The following FHIT variants were observed in gnomAD, a reference collection of about 807,000 sequenced individuals.
The protein encoded by FHIT is bis(5'-adenosyl)-triphosphatase.
A neutral mutation model predicts 17.9 loss-of-function variants in FHIT; 19 were observed. That is an observed-to-expected ratio of 1.06 (90% CI 0.74 to 1.56). The LOEUF is 1.56. Ranked by LOEUF, FHIT falls within the 40% of genes most tolerant of loss-of-function variation. FHIT has a pLI of 0.00. For missense variants in FHIT, 248 were observed against 189.2 expected (o/e 1.31, Z -1.82); for synonymous variants, 81 against 69.7 (o/e 1.16, Z -0.81).
At chr3:60,603,078 A>G (rs2038497250) in intron 4 of FHIT, among the ~76,000 whole-genome samples, 1 of 152,230 alleles carries the variant, frequency 6.6e-6, no homozygotes, top group African/African-American at 2.4e-5. Context: ...TGAGCAACAT[A>G]GTTTGAAGGT....
At chr3:60,197,599 T>C (rs1007644320) in intron 5 of FHIT, among the ~76,000 whole-genome samples, 1 of 152,196 alleles carries the variant, frequency 6.6e-6, no homozygotes, top group Non-Finnish European at 1.5e-5. Context: ...TTGGTAACAC[T>C]ATACAACATC....
intron 5 of FHIT, among the ~76,000 whole-genome samples, chr3:60,519,672 T>C (rs1050002835): frequency 6.6e-6 from 1 of 152,218 alleles, no homozygotes; most frequent in Non-Finnish European, 1.5e-5. Context: ...CTTGACATCA[T>C]CTATTTACAA....
chr3:61,132,860 A>C (rs1270811767), intron 2 of FHIT, among the ~76,000 whole-genome samples: 1 of 152,242 alleles, frequency 6.6e-6, no homozygotes, highest in East Asian at 1.9e-4. Flanking sequence ...AAAAGAAAAA[A>C]AAATGTGGTA....
chr3:60,071,169 C>T (rs1031570112), intron 5 of FHIT, among the ~76,000 whole-genome samples: 1 of 152,114 alleles, frequency 6.6e-6, no homozygotes, highest in African/African-American at 2.4e-5. Flanking sequence ...CTCCTGAGCA[C>T]CTGAATTGTG....
At chr3:60,232,594 T>C (rs1293744097) in intron 5 of FHIT, among the ~76,000 whole-genome samples, 2 of 152,208 alleles carry the variant, frequency 1.3e-5, no homozygotes, top group Non-Finnish European at 2.9e-5. Context: ...TCTCAATTAT[T>C]AGCGTCCCAC....
chr3:60,749,575 A>G lies in FHIT; in HGVS notation c.-18+72344T>C, dbSNP rs140445698. 3.8e-3 allele frequency among the ~76,000 whole-genome samples: 586 copies of G among 152,324 alleles called. 7 individuals are homozygous for G. Among genetic ancestry groups the G allele is most frequent in the African/African-American group, 0.013 (552 of 41,570 alleles). On this transcript the variant is annotated intron_variant, in intron 4 of 9. Coordinates refer to ENST00000492590, the MANE Select transcript of FHIT (RefSeq NM_002012.4). The stretch of plus-strand genomic sequence containing the variant: ...GACTTAAAAGCATTAAGCCAAGATG[A>G]CAGAGAGATCATTGTCACCACTAAC...
intron 5 of FHIT, among the ~76,000 whole-genome samples, chr3:60,231,385 C>T (rs143766551): frequency 1.1e-3 from 167 of 152,270 alleles, no homozygotes; most frequent in African/African-American, 3.4e-3. Flanking sequence ...ATGTAACCAA[C>T]GCCCAGATCC....
At chr3:60,196,522 T>A (rs965396255) in intron 5 of FHIT, among the ~76,000 whole-genome samples, 4 of 152,042 alleles carry the variant, frequency 2.6e-5, no homozygotes, top group African/African-American at 4.8e-5. Context: ...CCTAATCACA[T>A]CTGCAAAGCC....
At chr3:59,867,783 G>A (rs1417700967) in intron 8 of FHIT, among the ~76,000 whole-genome samples, 1 of 151,946 alleles carries the variant, frequency 6.6e-6, no homozygotes, top group Non-Finnish European at 1.5e-5. Context: ...CTAGATTATA[G>A]AGGACAAAAT....
chr3:60,659,143 A>C (rs929104183), intron 4 of FHIT, among the ~76,000 whole-genome samples: 2 of 151,932 alleles, frequency 1.3e-5, no homozygotes, highest in African/African-American at 4.8e-5. Flanking sequence ...AATTCTGATA[A>C]TCGTATTGAT....
chr3:60,516,246 TA>T, intron 5 of FHIT, among the ~76,000 whole-genome samples: 1 of 152,308 alleles, frequency 6.6e-6, no homozygotes, highest in Non-Finnish European at 1.5e-5. Context: ...CTTAAAATAA[TA>T]AACCCATATG....
At chr3:60,727,802 G>GACC (rs2041947315) in intron 4 of FHIT, among the ~76,000 whole-genome samples, 1 of 152,160 alleles carries the variant, frequency 6.6e-6, no homozygotes, top group Non-Finnish European at 1.5e-5. Flanking sequence ...AGGAGATAGA[G>GACC]ACCATCCTGG....
intron 3 of FHIT, among the ~76,000 whole-genome samples, chr3:60,979,704 C>T (rs2082855267): frequency 6.6e-6 from 1 of 152,202 alleles, no homozygotes; most frequent in Non-Finnish European, 1.5e-5. Context: ...GAAGTGCCAA[C>T]TCATGACAAG....
At chr3:60,437,920 C>T (rs1355900410) in intron 5 of FHIT, among the ~76,000 whole-genome samples, 5 of 152,068 alleles carry the variant, frequency 3.3e-5, no homozygotes, top group Admixed American at 3.3e-4. Flanking sequence ...ACTTCAACAA[C>T]AGCTACCTAG....
intron 3 of FHIT, among the ~76,000 whole-genome samples, chr3:60,926,944 A>C (rs1553770120): frequency 6.6e-6 from 1 of 152,148 alleles, no homozygotes; most frequent in Non-Finnish European, 1.5e-5. Flanking sequence ...CAAATAAACT[A>C]CAAAATCTAG....
At chr3:60,165,345 T>G (rs1701123420) in intron 5 of FHIT, among the ~76,000 whole-genome samples, 1 of 152,196 alleles carries the variant, frequency 6.6e-6, no homozygotes, top group Non-Finnish European at 1.5e-5. Context: ...GGCTTAAATC[T>G]CCAGTGCCTT....
intron 5 of FHIT, among the ~76,000 whole-genome samples, chr3:60,423,327 C>T (rs1255612052): frequency 1.3e-5 from 2 of 152,116 alleles, no homozygotes; most frequent in East Asian, 3.9e-4. Flanking sequence ...AAATTCCTTT[C>T]ACAGTTGAAC....
At chr3:60,243,063 TA>T (rs79498697) in intron 5 of FHIT, among the ~76,000 whole-genome samples, 5,936 of 128,184 alleles carry the variant, frequency 0.046, 280 homozygotes, top group African/African-American at 0.13. Flanking sequence ...AGTCCAAAAC[TA>T]AAAAAAAAAA....
chr3:60,961,643 A>G (rs1369363162), intron 3 of FHIT, among the ~76,000 whole-genome samples: 1 of 152,198 alleles, frequency 6.6e-6, no homozygotes, highest in Non-Finnish European at 1.5e-5. Context: ...AGCTTTCTAC[A>G]TATGGCTAGC....
Sources: gnomAD v4.1 joint callset for allele counts (sites outside exome capture counted in the v4.1 genomes callset) on GRCh38, gnomAD v4.1.1 for gene constraint, MANE v1.5 for transcripts, NCBI Gene and HGNC (gene_info 2026-07-23, HGNC 2026-07-21) for gene names.